Variants in LRFN1 observed in about 807,000 individuals in gnomAD.
The protein encoded by LRFN1 is leucine rich repeat and fibronectin type III domain containing 1, also known as leucine-rich repeat and fibronectin type III domain-containing protein 1.
A neutral mutation model predicts 31.8 loss-of-function variants in LRFN1; 20 were observed. That is an observed-to-expected ratio of 0.63 (90% CI 0.44 to 0.91). The LOEUF is 0.91. Among genes scored for constraint, LRFN1 ranks in the 40% least tolerant of loss-of-function variants. The probability of loss-of-function intolerance (pLI) is 0.00; values close to 1 mark genes in which losing one functional copy is unlikely to be tolerated. For missense variants in LRFN1, 912 were observed against 1,129.8 expected (o/e 0.81, Z 2.76); for synonymous variants, 514 against 541.3 (o/e 0.95, Z 0.70).
chr19:39,316,545 GGA>G (rs1278544344), intron 2 of LRFN1, among the ~76,000 whole-genome samples: 5 of 152,180 alleles, frequency 3.3e-5, no homozygotes, highest in African/African-American at 7.2e-5. Flanking sequence ...GCATTGGCAG[GGA>G]GAGTGTCAAA....
At position 39,314,133 on chromosome 19, in the gene LRFN1, G is replaced by A. The variant is rs201748545; in HGVS notation, c.1204C>T (p.Pro402Ser). 242 of 1,611,942 alleles carry A rather than the reference G, an allele frequency of 1.5e-4. 1 individual carries two copies. The African/African-American group carries it at 2.9e-3, about 19-fold the overall frequency. ...LMAPPPAAPP[P>S]LTEPGSSDIA... ...TCAGAGGAGCCGGGCTCGGTGAGAG[G>A]CGGCGGGGCAGCCGGCGGGGGTGCC... Residue 402 changes from proline (P) to serine (S), a missense_variant, in exon 4 of 5, where the codon CCT becomes TCT. Pro to Ser is a moderately conservative substitution (Grantham distance 74, BLOSUM62 -1). Transcript: ENST00000248668.
chr19:39,315,443 G>T lies in LRFN1; in HGVS notation c.-37-70C>A. ...CATGGGATGTCCTGCTACGAGTCAG[G>T]CCTGGATCCCTCCCCTACCGCCTAC... On this transcript the variant is annotated intron_variant, in intron 3 of 4. Transcript: ENST00000248668. The surrounding 1 kb of genome is among the most constrained non-coding windows in gnomAD (Gnocchi z 4.7). 9.4e-7 allele frequency: 1 copy of T among 1,064,758 alleles called. No homozygotes were observed. Among genetic ancestry groups the T allele is most frequent in the Non-Finnish European group, 1.3e-6 (1 of 765,966 alleles). The allele number at this position is 1,064,758 out of a possible 1,614,324, so 66.0% of individuals were successfully genotyped here. A position where few individuals can be genotyped will look rare whatever the true frequency, so the allele number is the denominator to read the frequency against.
chr19:39,307,736 G>T lies in LRFN1; in HGVS notation c.2213C>A (p.Ala738Asp). The change falls in exon 5 of 5, where the codon GCT becomes GAT. Residue 738 changes from alanine to aspartate, a missense_variant. Transcript: ENST00000248668. The surrounding 1 kb of genome is among the most constrained non-coding windows in gnomAD (Gnocchi z 6.7). Reference protein sequence around the residue: ...RHRSTPHLDGAGGGAAGEDGD... With the variant: ...RHRSTPHLDGDGGGAAGEDGD... ...ATCCTCCCCGGCCGCGCCCCCTCCA[G>T]CCCCGTCCAGGTGCGGCGTGGACCG... is the stretch of plus-strand genomic sequence containing the variant. The T allele has an allele frequency of 6.7e-7, 1 of 1,492,652 alleles. No homozygotes were observed. Among genetic ancestry groups the T allele is most frequent in the Non-Finnish European group, 8.8e-7 (1 of 1,133,928 alleles). 92.5% of individuals were successfully genotyped at this position (1,492,652 alleles called of 1,614,324 possible).
chr19:39,308,733 A>G lies in LRFN1; in HGVS notation c.1407-191T>C, dbSNP rs1268402719. On this transcript the variant is annotated intron_variant, in intron 4 of 4. Coordinates refer to ENST00000248668, the MANE Select transcript of LRFN1 (RefSeq NM_020862.2). The surrounding 1 kb of genome is among the most constrained non-coding windows in gnomAD (Gnocchi z 6.2). ...CCACCCTTTCACACCCCTCATCTGT[A>G]TGCCCCGCCCTCAGACCCACCTCCT... Among the ~76,000 whole-genome samples the G allele has an allele frequency of 2.6e-5, 4 of 152,002 alleles. No individual in the cohort carries two copies. Among genetic ancestry groups the G allele is most frequent in the African/African-American group, 9.7e-5 (4 of 41,374 alleles).
intron 2 of LRFN1, among the ~76,000 whole-genome samples, chr19:39,317,464 C>A (rs943843340): frequency 2.0e-5 from 3 of 152,140 alleles, no homozygotes; most frequent in African/African-American, 7.2e-5. Context: ...GTCTTCAGGG[C>A]TCAGAATCCC....
Position 39,308,059 on chromosome 19 carries a change from C to A in LRFN1, c.1890G>T (p.Thr630=). 1 of 1,514,136 alleles carries A rather than the reference C, an allele frequency of 6.6e-7. No individual in the cohort carries two copies. Among genetic ancestry groups the A allele is most frequent in the Non-Finnish European group, 8.8e-7 (1 of 1,136,418 alleles). 93.8% of individuals were successfully genotyped at this position (1,514,136 alleles called of 1,614,324 possible). Residue 630 remains threonine (T), a synonymous_variant, in exon 5 of 5, where the codon ACG becomes ACT. Transcript: ENST00000248668. This position sits in a 1 kb window ranked among gnomAD's most constrained non-coding sequence, Gnocchi z 6.2. The part of the protein sequence containing the change: ...AVEAKAMEAE[T]ASAEPEVVLG... The stretch of plus-strand genomic sequence containing the variant: ...GGACCACCTCCGGCTCCGCGGATGC[C>A]GTCTCGGCCTCCATGGCCTTGGCCT...
rs973684154 is a variant in LRFN1 at position 39,308,496 on chromosome 19, C to T, written c.1453G>A (p.Ala485Thr). 1.2e-6 allele frequency: 2 copies of T among 1,601,036 alleles called. No individual in the cohort carries two copies. Among genetic ancestry groups the T allele is most frequent in the African/African-American group, 2.7e-5 (2 of 74,916 alleles). Residue 485 changes from alanine (A) to threonine (T), a missense_variant, in exon 5 of 5, where the codon GCG becomes ACG. Transcript: ENST00000248668. This position sits in a 1 kb window ranked among gnomAD's most constrained non-coding sequence, Gnocchi z 6.2. ...SQTFLVNDLA[A>T]GRAYDLCVLA... ...ACGCACAAGTCGTAGGCACGGCCCG[C>T]CGCCAGGTCATTCACCAGGAAGGTC...
At chr19:39,313,525 C>T (rs1167426179) in intron 4 of LRFN1, among the ~76,000 whole-genome samples, 2 of 152,176 alleles carry the variant, frequency 1.3e-5, no homozygotes, top group Non-Finnish European at 2.9e-5. Flanking sequence ...GAGTAAGGCT[C>T]AGTCTCAAAA....
At chr19:39,316,372 G>A (rs955339132) in intron 2 of LRFN1, among the ~76,000 whole-genome samples, 1 of 152,146 alleles carries the variant, frequency 6.6e-6, no homozygotes, top group Non-Finnish European at 1.5e-5. Flanking sequence ...CCTTTTGCTA[G>A]CTCTGTGACC....
Position 39,314,978 on chromosome 19 carries a change from A to T in LRFN1, c.359T>A (p.Leu120Gln). 6.3e-7 allele frequency: 1 copy of T among 1,592,438 alleles called. No individual in the cohort carries two copies. The highest frequency in any genetic ancestry group is 2.3e-5 in the East Asian group (1 of 44,394). ...CACCTCCGCCAGGCGGTTGCTGTCC[A>T]GGTGCAGGGCCCGGAGGGCACGCAG... is the stretch of plus-strand genomic sequence containing the variant. ...ADLRALRALH[L>Q]DSNRLAEVRG... Residue 120 changes from leucine to glutamine, a missense_variant, in exon 4 of 5, where the codon CTG becomes CAG. Coordinates refer to ENST00000248668, the MANE Select transcript of LRFN1 (RefSeq NM_020862.2).
Position 39,314,275 on chromosome 19 carries a change from C to T in LRFN1, c.1062G>A (p.Thr354=), listed in dbSNP as rs762899245. The change falls in exon 4 of 5, where the codon ACG becomes ACA. Residue 354 remains threonine, a synonymous_variant. Transcript: ENST00000248668. ...TCAAGGTGGTGATGGTCACATCCAG[C>T]GTCCCGTCCCCCCGGACCCGGGTCC... The part of the protein sequence containing the change: ...SSRTRVRGDG[T]LDVTITTLRD... 2 of 1,612,674 alleles carry T rather than the reference C, an allele frequency of 1.2e-6. No homozygotes were observed. Among genetic ancestry groups the T allele is most frequent in the South Asian group, 2.2e-5 (2 of 90,966 alleles).
At chr19:39,317,406 G>A (rs2075175380) in intron 2 of LRFN1, among the ~76,000 whole-genome samples, 1 of 152,108 alleles carries the variant, frequency 6.6e-6, no homozygotes, top group East Asian at 1.9e-4. Flanking sequence ...GCCTAGAAAG[G>A]GGGACTCCAG....
Position 39,313,924 on chromosome 19 carries a change from C to T in LRFN1, c.1406+7G>A. ...GGAGGCCCTGGGACTGCAGCACCCG[C>T]ACCCACCTGTAGACGAGGGAGTCAT... On this transcript the variant is annotated splice_region_variant and intron_variant, in intron 4 of 4. Coordinates refer to ENST00000248668, the MANE Select transcript of LRFN1 (RefSeq NM_020862.2). 1.3e-6 allele frequency: 2 copies of T among 1,579,414 alleles called. No homozygotes were observed. The highest frequency in any genetic ancestry group is 1.7e-6 in the Non-Finnish European group (2 of 1,162,264).
At position 39,307,785 on chromosome 19, in the gene LRFN1, G is replaced by A. The variant is rs370561531; in HGVS notation, c.2164C>T (p.Arg722Cys). Reference sequence around the variant, plus strand: ...CGGTGGCGCTTTGTCCGCCGGGCGCGGCGCGGGTAACTGTGGCTCTGGAAT... The same window carrying A: ...CGGTGGCGCTTTGTCCGCCGGGCGCAGCGCGGGTAACTGTGGCTCTGGAAT... The part of the protein sequence containing the change: ...ALFQSHSYPR[R>C]ARRTKRHRST... The change falls in exon 5 of 5, where the codon CGC becomes TGC. Residue 722 changes from arginine to cysteine, a missense_variant. This residue lies in a region of LRFN1 where 511 missense variants were observed against 557.0 expected (regional missense o/e 0.92). Coordinates refer to ENST00000248668, the MANE Select transcript of LRFN1 (RefSeq NM_020862.2). The surrounding 1 kb of genome is among the most constrained non-coding windows in gnomAD (Gnocchi z 6.7). 58 of 1,488,862 alleles carry A rather than the reference G, an allele frequency of 3.9e-5. No homozygotes were observed. Among genetic ancestry groups the A allele is most frequent in the Non-Finnish European group, 4.5e-5 (51 of 1,127,162 alleles). 92.2% of individuals were successfully genotyped at this position (1,488,862 alleles called of 1,614,324 possible). A position where few individuals can be genotyped will look rare whatever the true frequency, so the allele number is the denominator to read the frequency against.
rs1030167845 is a variant in LRFN1, at chr19:39,307,850, G to A, written c.2099C>T (p.Pro700Leu). 4 of 1,516,526 alleles carry A rather than the reference G, an allele frequency of 2.6e-6. No individual in the cohort carries two copies. Among genetic ancestry groups the A allele is most frequent in the African/African-American group, 2.9e-5 (2 of 69,478 alleles). 93.9% of individuals were successfully genotyped at this position (1,516,526 alleles called of 1,614,324 possible). Residue 700 changes from proline to leucine, a missense_variant, in exon 5 of 5, where the codon CCG (proline) becomes CTG (leucine). Physicochemically the swap from Pro to Leu is moderately conservative, Grantham distance 98. This residue lies in a region of LRFN1 where 511 missense variants were observed against 557.0 expected (regional missense o/e 0.92). Transcript: ENST00000248668. The surrounding 1 kb of genome is among the most constrained non-coding windows in gnomAD (Gnocchi z 6.7). The stretch of plus-strand genomic sequence containing the variant: ...CCCGTCGAACGAATAGCGCTGCTGC[G>A]GCCTCGGCCGGGCCGCGGCTCCCCC... ...VPGGAAARPRPQQRYSFDGDY... is the reference protein window; with the variant it reads ...VPGGAAARPRLQQRYSFDGDY...
At chr19:39,310,905 A>G (rs1439128880) in intron 4 of LRFN1, among the ~76,000 whole-genome samples, 1 of 151,944 alleles carries the variant, frequency 6.6e-6, no homozygotes, top group Non-Finnish European at 1.5e-5. Context: ...GCCCCTTCAT[A>G]AAGGTCCACC....
chr19:39,313,821 C>A, intron 4 of LRFN1, 110 bp downstream of exon 4: 1 of 996,526 alleles, frequency 1.0e-6, no homozygotes, highest in Non-Finnish European at 1.5e-6. Context: ...ACAGCTCTCA[C>A]AGCCATCTAG....
At position 39,314,053 on chromosome 19, in the gene LRFN1, G is replaced by A. The variant is rs1329049605; in HGVS notation, c.1284C>T (p.Leu428=). The A allele has an allele frequency of 6.8e-6, 11 of 1,611,476 alleles. No individual in the cohort carries two copies. Among genetic ancestry groups the A allele is most frequent in the South Asian group, 2.2e-5 (2 of 91,060 alleles). The stretch of plus-strand genomic sequence containing the variant: ...AGTTCGAGGTGAGCTCGGCTGCCAC[G>A]AGCCGACGCTCAGCCGCAGAATCGT... ...GANDSAAERR[L]VAAELTSNSV... is the part of the protein sequence containing the mutation. The change falls in exon 4 of 5, where the codon CTC becomes CTT. Residue 428 remains leucine, a synonymous_variant. Coordinates refer to ENST00000248668, the MANE Select transcript of LRFN1 (RefSeq NM_020862.2).
intron 4 of LRFN1, among the ~76,000 whole-genome samples, chr19:39,312,808 A>G (rs78147521): frequency 0.012 from 1,814 of 152,028 alleles, 10 homozygotes; most frequent in Non-Finnish European, 0.019. Flanking sequence ...GCCAAAAAAA[A>G]AAAAGAAAAA....
Sources: gnomAD v4.1 joint callset for allele counts (sites outside exome capture counted in the v4.1 genomes callset) on GRCh38, gnomAD v4.1.1 for gene constraint, gnomAD v4.1.1 regional missense constraint, Gnocchi (gnomAD v3.1) non-coding constraint, MANE v1.5 for transcripts, NCBI Gene and HGNC (gene_info 2026-07-23, HGNC 2026-07-21) for gene names.